Variants in ADAM17 observed in about 807,000 individuals in gnomAD.
The protein encoded by ADAM17 is ADAM metallopeptidase domain 17.
In ADAM17, 39 loss-of-function variants were observed where a neutral mutation model predicts 96.7. The observed-to-expected ratio is 0.40, with a 90% CI of 0.31 to 0.53. The LOEUF is 0.53. Ranked by LOEUF, ADAM17 falls within the 20% of genes least tolerant of loss-of-function variation. The pLI, the probability that ADAM17 is intolerant of heterozygous loss-of-function variation, is 0.44. For missense variants in ADAM17, 777 were observed against 1,013.2 expected (o/e 0.77, Z 3.17); for synonymous variants, 344 against 359.2 (o/e 0.96, Z 0.48).
At chr2:9,494,816 TCTC>T (rs773001207) in intron 14 of ADAM17, 49 bp from the exon 15 acceptor site, 1 of 1,603,098 alleles carries the variant, frequency 6.2e-7, no homozygotes, top group Non-Finnish European at 8.5e-7. Context: ...GAGACCTGCC[TCTC>T]CTCCTGCCTC....
Position 9,543,178 on chromosome 2 carries a change from G to C in ADAM17, c.205C>G (p.Leu69Val), listed in dbSNP as rs777902756. ...CTTTTCAAAGCTGAAAAAGTTAGTA[G>C]TGTTTCTACATGTGTTGAAGTCTGT... ...DLQTSTHVET[L>V]LTFSALKRHF... Residue 69 changes from leucine (L) to valine (V), a missense_variant, in exon 2 of 19, where the codon CTA becomes GTA. By Grantham distance (32) the Leu-to-Val change is conservative. Coordinates refer to ENST00000310823, the MANE Select transcript of ADAM17 (RefSeq NM_003183.6). 14 of 1,595,870 alleles carry C rather than the reference G, an allele frequency of 8.8e-6. No homozygotes were observed. The East Asian group carries it at 3.2e-4, about 36-fold the overall frequency.
chr2:9,549,837 A>G (rs2125045203), intron 1 of ADAM17, among the ~76,000 whole-genome samples: 1 of 152,050 alleles, frequency 6.6e-6, no homozygotes, highest in African/African-American at 2.4e-5. Context: ...TTTTACATTA[A>G]TTTCTTTTAT....
At chr2:9,506,328 A>T (rs1663384069) in intron 11 of ADAM17, among the ~76,000 whole-genome samples, 1 of 149,806 alleles carries the variant, frequency 6.7e-6, no homozygotes, top group Admixed American at 6.7e-5. Context: ...CAGAAATACT[A>T]ACTGGCTTTT....
Position 9,521,245 on chromosome 2 carries a change from TG to T in ADAM17, c.914del (p.Pro305GlnfsTer10). On this transcript the variant is annotated frameshift_variant, in exon 8 of 19. Coordinates refer to ENST00000310823, the MANE Select transcript of ADAM17 (RefSeq NM_003183.6). LOFTEE classifies it high-confidence loss of function. ...EKHYNMAKSY[P>X]NEEKDAWDVK... ...CATCCCAAGCATCCTTTTCTTCATT[TG>T]GGTAACTTTTTGCCATGTTGTAGTG... is the stretch of plus-strand genomic sequence containing the variant. 4 of 1,612,740 alleles carry T rather than the reference TG, an allele frequency of 2.5e-6. No homozygotes were observed. Among genetic ancestry groups the T allele is most frequent in the Non-Finnish European group, 3.4e-6 (4 of 1,178,840 alleles).
intron 4 of ADAM17, among the ~76,000 whole-genome samples, chr2:9,534,316 C>T (rs1483703421): frequency 6.6e-6 from 1 of 152,136 alleles, no homozygotes; most frequent in African/African-American, 2.4e-5. Context: ...TTGCAGTGAG[C>T]CGAGACCACG....
chr2:9,535,926 A>T lies in ADAM17; in HGVS notation c.362-4T>A. 4.0e-6 allele frequency: 6 copies of T among 1,514,642 alleles called. No homozygotes were observed. The highest frequency in any genetic ancestry group is 4.4e-6 in the Non-Finnish European group (5 of 1,128,852). The allele number at this position is 1,514,642 out of a possible 1,614,324, so 93.8% of individuals were successfully genotyped here. ...AGAACCCTAGAGTCAGGCTCACCTTAAGAGAAAAAAAAAATTATTATTTAA... is the reference window on the plus strand; with the variant it reads ...AGAACCCTAGAGTCAGGCTCACCTTTAGAGAAAAAAAAAATTATTATTTAA... On this transcript the variant is annotated splice_polypyrimidine_tract_variant and splice_region_variant and intron_variant, in intron 3 of 18. Coordinates refer to ENST00000310823, the MANE Select transcript of ADAM17 (RefSeq NM_003183.6).
chr2:9,491,276 C>T (rs1296710062), intron 17 of ADAM17, 125 bp from the exon 18 acceptor site: 3 of 767,658 alleles, frequency 3.9e-6, no homozygotes, highest in African/African-American at 1.8e-5. Context: ...AAAGTGATAG[C>T]AGGCTCAACA....
In ADAM17 at chr2:9,526,140, C is replaced by T; in HGVS notation, c.724G>A (p.Gly242Arg). 6.2e-7 allele frequency: 1 copy of T among 1,613,244 alleles called. No homozygotes were observed. The highest frequency in any genetic ancestry group is 8.5e-7 in the Non-Finnish European group (1 of 1,179,636). The change falls in exon 6 of 19, where the codon GGG (glycine) becomes AGG (arginine). Residue 242 changes from glycine to arginine, a missense_variant. By Grantham distance (125) the Gly-to-Arg change is moderately radical. This residue lies in a region of ADAM17 where 446 missense variants were observed against 664.7 expected (regional missense o/e 0.67). Transcript: ENST00000310823. Reference protein sequence around the residue: ...DHRFYRYMGRGEESTTTNYLI... With the variant: ...DHRFYRYMGRREESTTTNYLI... The stretch of plus-strand genomic sequence containing the variant: ...TAATTTGTAGTTGTACTCTCTTCCC[C>T]TCTGCCCATGTATCTGTAGAAGCGA...
intron 13 of ADAM17, among the ~76,000 whole-genome samples, chr2:9,499,559 G>A (rs1450967430): frequency 5.3e-5 from 8 of 152,002 alleles, no homozygotes; most frequent in African/African-American, 1.9e-4. Flanking sequence ...CCGCCACCAC[G>A]CCCAGCTAAT....
intron 1 of ADAM17, among the ~76,000 whole-genome samples, chr2:9,550,982 C>G (rs983001037): frequency 3.3e-5 from 5 of 149,582 alleles, no homozygotes; most frequent in African/African-American, 1.2e-4. Context: ...GGCTGAGGCA[C>G]GAGAATCACT....
At chr2:9,536,019 T>C in intron 3 of ADAM17, 97 bp from the exon 4 acceptor site, 1 of 795,600 alleles carries the variant, frequency 1.3e-6, no homozygotes, top group Non-Finnish European at 1.8e-6. Context: ...AGGGTGGAAT[T>C]TGCCTAGTAC....
At chr2:9,511,844 G>A (rs916747899) in intron 10 of ADAM17, among the ~76,000 whole-genome samples, 2 of 151,840 alleles carry the variant, frequency 1.3e-5, no homozygotes, top group African/African-American at 4.8e-5. Flanking sequence ...TGTGGTGGGC[G>A]CCTGTAATCG....
chr2:9,553,988 G>A (rs1417076287), intron 1 of ADAM17, among the ~76,000 whole-genome samples: 7 of 152,184 alleles, frequency 4.6e-5, no homozygotes, highest in Admixed American at 2.0e-4. Flanking sequence ...CTTGAACCCC[G>A]GGAGGCGGAG....
At chr2:9,539,310 T>C (rs933932671) in intron 2 of ADAM17, among the ~76,000 whole-genome samples, 1 of 152,078 alleles carries the variant, frequency 6.6e-6, no homozygotes, top group African/African-American at 2.4e-5. Flanking sequence ...GGTTTCACCG[T>C]GTTAGCCAGG....
intron 4 of ADAM17, among the ~76,000 whole-genome samples, chr2:9,532,419 T>C (rs910615448): frequency 2.0e-5 from 3 of 152,140 alleles, no homozygotes; most frequent in African/African-American, 7.2e-5. Flanking sequence ...ATTATTAATT[T>C]CATGCAAAAG....
intron 3 of ADAM17, 86 bp downstream of exon 3, chr2:9,536,612 T>C: frequency 6.4e-7 from 1 of 1,566,854 alleles, no homozygotes; most frequent in Non-Finnish European, 8.7e-7. Flanking sequence ...CCCACTATCC[T>C]GCACCAGAAA....
chr2:9,555,638 G>A lies in ADAM17; in HGVS notation c.-33C>T. The A allele has an allele frequency of 2.0e-6, 3 of 1,517,934 alleles. No homozygotes were observed. The highest frequency in any genetic ancestry group is 2.7e-6 in the Non-Finnish European group (3 of 1,124,916). 94.0% of individuals were successfully genotyped at this position (1,517,934 alleles called of 1,614,324 possible). A position where few individuals can be genotyped will look rare whatever the true frequency, so the allele number is the denominator to read the frequency against. ...GCCCCGCTACCGACTCCACCTCTCT[G>A]GGCAGCCTTCGCCTGACGGGGTTTC... is the stretch of plus-strand genomic sequence containing the variant. On this transcript the variant is annotated 5_prime_UTR_variant, in exon 1 of 19. Coordinates refer to ENST00000310823, the MANE Select transcript of ADAM17 (RefSeq NM_003183.6).
chr2:9,525,134 T>C (rs1664464212), intron 6 of ADAM17, among the ~76,000 whole-genome samples: 1 of 151,984 alleles, frequency 6.6e-6, no homozygotes, highest in Non-Finnish European at 1.5e-5. Flanking sequence ...AGCCTCATAA[T>C]AAATTCACTT....
chr2:9,499,522 C>T (rs1315613842), intron 13 of ADAM17, among the ~76,000 whole-genome samples: 1 of 152,116 alleles, frequency 6.6e-6, no homozygotes, highest in Non-Finnish European at 1.5e-5. Flanking sequence ...CTGCCTCAGC[C>T]TCCCAAGTAG....
Sources: gnomAD v4.1 joint callset for allele counts (sites outside exome capture counted in the v4.1 genomes callset) on GRCh38, gnomAD v4.1.1 for gene constraint, gnomAD v4.1.1 regional missense constraint, MANE v1.5 for transcripts, NCBI Gene and HGNC (gene_info 2026-07-23, HGNC 2026-07-21) for gene names.